The following PTGER3 variants were observed in gnomAD, a reference collection of about 807,000 sequenced individuals.
PTGER3 encodes prostaglandin E receptor 3, also known as prostaglandin E2 receptor EP3 subtype.
Under a neutral mutation model 34.7 loss-of-function variants are expected in PTGER3, and 22 were observed. The ratio of observed to expected loss-of-function variants is 0.63; its 90% CI spans 0.45 to 0.91. PTGER3 has a LOEUF of 0.91. Among genes scored for constraint, PTGER3 ranks in the 40% least tolerant of loss-of-function variants. The pLI, the probability that PTGER3 is intolerant of heterozygous loss-of-function variation, is 0.00. For missense variants in PTGER3, 468 were observed against 519.4 expected (o/e 0.90, Z 0.96); for synonymous variants, 241 against 230.1 (o/e 1.05, Z -0.43).
rs113307176 is a variant in PTGER3, at chr1:71,008,040, A to T, written c.1077+4265T>A. 10 of 985,094 alleles carry T rather than the reference A, an allele frequency of 1.0e-5. No homozygotes were observed. In the African/African-American group the frequency reaches 1.2e-4, roughly 12 times the overall value. The allele number at this position is 985,094 out of a possible 1,614,324, so 61.0% of individuals were successfully genotyped here. A position where few individuals can be genotyped will look rare whatever the true frequency, so the allele number is the denominator to read the frequency against. On this transcript the variant is annotated intron_variant, in intron 2 of 3. Coordinates refer to ENST00000306666, the MANE Select transcript of PTGER3 (RefSeq NM_198719.2). ...CTGTTTCACATATTAGGCTACTGGC[A>T]CTTTAAAAATATGAAGTTATTATCT...
chr1:70,917,770 T>C (rs1647217796), intron 4 of PTGER3, among the ~76,000 whole-genome samples: 1 of 152,060 alleles, frequency 6.6e-6, no homozygotes, highest in African/African-American at 2.4e-5. Context: ...CATCTCATTG[T>C]AGTTTAATTT....
chr1:70,893,906 A>C (rs1646670394), intron 4 of PTGER3, among the ~76,000 whole-genome samples: 2 of 152,310 alleles, frequency 1.3e-5, no homozygotes, highest in African/African-American at 4.8e-5. Context: ...ATATTTATTA[A>C]AAATAAAATA....
chr1:71,001,475 T>C (rs1656479065), intron 2 of PTGER3, among the ~76,000 whole-genome samples: 1 of 152,136 alleles, frequency 6.6e-6, no homozygotes, highest in Admixed American at 6.5e-5. Flanking sequence ...AGAAAAGAAA[T>C]CCATCTCATT....
chr1:70,980,107 G>A (rs1291946162), intron 2 of PTGER3, among the ~76,000 whole-genome samples: 1 of 152,082 alleles, frequency 6.6e-6, no homozygotes, highest in Non-Finnish European at 1.5e-5. Context: ...GGGAGGCGGG[G>A]AAGTCTTGAA....
intron 1 of PTGER3, among the ~76,000 whole-genome samples, chr1:71,021,512 G>T (rs1008720439): frequency 1.3e-5 from 2 of 149,610 alleles, no homozygotes; most frequent in African/African-American, 5.1e-5. Context: ...CAAGTTAGAA[G>T]AGTTATCTTT....
In PTGER3 at chr1:70,970,801, GT is replaced by G. The variant is rs1276878927; in HGVS notation, c.*928del. On this transcript the variant is annotated 3_prime_UTR_variant, in exon 4 of 4. Transcript: ENST00000306666. Reference sequence around the variant, plus strand: ...AGTATATCTTTTAGAAGTCCACAAAGTTTTTTATTTTAATACAGACAAAATA... The same window carrying G: ...AGTATATCTTTTAGAAGTCCACAAAGTTTTTATTTTAATACAGACAAAATA... The G allele has an allele frequency of 1.2e-6, 1 of 834,930 alleles. No individual in the cohort carries two copies. The highest frequency in any genetic ancestry group is 1.4e-6 in the Non-Finnish European group (1 of 693,002). The allele number at this position is 834,930 out of a possible 1,614,324, so 51.7% of individuals were successfully genotyped here.
At position 71,039,518 on chromosome 1, in the gene PTGER3, T is replaced by C. The variant is rs184410573; in HGVS notation, c.897+7163A>G. On this transcript the variant is annotated intron_variant, in intron 1 of 3. Coordinates refer to ENST00000306666, the MANE Select transcript of PTGER3 (RefSeq NM_198719.2). The stretch of plus-strand genomic sequence containing the variant: ...AGAAAAAATTAGCCGGGTGTGGTGG[T>C]GGGCGCCTGTAGTCCCAGCTACTCG... Among the ~76,000 whole-genome samples, 1,374 of 151,004 alleles carry C rather than the reference T, an allele frequency of 9.1e-3. 29 individuals carry two copies. The highest frequency in any genetic ancestry group is 0.028 in the African/African-American group (1,165 of 41,164).
At chr1:70,904,733 G>A (rs60553767) in intron 4 of PTGER3, among the ~76,000 whole-genome samples, 8,573 of 152,192 alleles carry the variant, frequency 0.056, 701 homozygotes, top group South Asian at 0.25. Flanking sequence ...ATTCAGTTTT[G>A]TAAGGGAAGC....
At chr1:71,024,329 C>T (rs1658689736) in intron 1 of PTGER3, among the ~76,000 whole-genome samples, 1 of 152,100 alleles carries the variant, frequency 6.6e-6, no homozygotes, top group Admixed American at 6.6e-5. Context: ...TGATATTTCT[C>T]TTGACAAAAG....
chr1:71,039,056 G>T (rs574296967), intron 1 of PTGER3, among the ~76,000 whole-genome samples: 1 of 152,338 alleles, frequency 6.6e-6, no homozygotes, highest in Non-Finnish European at 1.5e-5. Context: ...GGCTGTGGGT[G>T]CTAGCAAGAC....
chr1:70,949,782 A>G (rs976847271), downstream of PTGER3, among the ~76,000 whole-genome samples: 1 of 152,162 alleles, frequency 6.6e-6, no homozygotes, highest in Non-Finnish European at 1.5e-5. Context: ...TATGATTACC[A>G]GTAGTTACAT....
intron 4 of PTGER3, among the ~76,000 whole-genome samples, chr1:70,911,103 A>G (rs1026603121): frequency 1.3e-5 from 2 of 151,812 alleles, no homozygotes; most frequent in Non-Finnish European, 2.9e-5. Context: ...AATTCTAATT[A>G]ACCATAACAA....
downstream of PTGER3, among the ~76,000 whole-genome samples, chr1:70,970,281 G>A (rs1652942738): frequency 6.6e-6 from 1 of 152,140 alleles, no homozygotes; most frequent in South Asian, 2.1e-4. Context: ...ATGAGGAACA[G>A]ATAGAAGTAA....
At chr1:70,869,414 A>C (rs1292933121) in intron 4 of PTGER3, 1 of 379,636 alleles carries the variant, frequency 2.6e-6, no homozygotes, top group Non-Finnish European at 5.3e-6. Context: ...TAAATCTCAC[A>C]TCCTTCTCAT....
chr1:70,858,339 C>T (rs1160035431), intron 4 of PTGER3, among the ~76,000 whole-genome samples: 2 of 151,858 alleles, frequency 1.3e-5, no homozygotes, highest in Non-Finnish European at 2.9e-5. Flanking sequence ...CTAAATGTAC[C>T]AGTAATTATA....
intron 2 of PTGER3, among the ~76,000 whole-genome samples, chr1:70,957,467 T>C (rs917929239): frequency 6.6e-6 from 1 of 152,210 alleles, no homozygotes; most frequent in Admixed American, 6.5e-5. Context: ...CTTTAAAAAC[T>C]TTGTACTATT....
intron 2 of PTGER3, among the ~76,000 whole-genome samples, chr1:70,963,362 C>T (rs1349130843): frequency 2.0e-5 from 3 of 152,164 alleles, no homozygotes; most frequent in Non-Finnish European, 4.4e-5. Context: ...AGTGGGGACT[C>T]TGCATGGGGG....
intron 2 of PTGER3, among the ~76,000 whole-genome samples, chr1:70,999,846 G>A (rs142234807): frequency 4.3e-4 from 65 of 152,346 alleles, no homozygotes; most frequent in African/African-American, 1.5e-3. Flanking sequence ...TAGAAGTGCA[G>A]TTTTTCTGTA....
intron 1 of PTGER3, among the ~76,000 whole-genome samples, chr1:71,045,221 G>T (rs1257401066): frequency 6.6e-6 from 1 of 152,110 alleles, no homozygotes; most frequent in Non-Finnish European, 1.5e-5. Context: ...CCAGGTTAAA[G>T]AAATTACATT....
Sources: allele counts gnomAD v4.1 joint callset (sites outside exome capture counted in the v4.1 genomes callset), GRCh38; gene constraint gnomAD v4.1.1; transcripts MANE v1.5; gene names NCBI Gene and HGNC (gene_info 2026-07-23, HGNC 2026-07-21).